Variants in BET1 observed in about 807,000 individuals in gnomAD.
BET1 encodes the protein Bet1 golgi vesicular membrane trafficking protein.
In BET1, 9 loss-of-function variants were observed where a neutral mutation model predicts 13.9. That is an observed-to-expected ratio of 0.65 (90% CI 0.39 to 1.13). The LOEUF (loss-of-function observed/expected upper bound fraction) is 1.13. Ranked by LOEUF, BET1 falls within the 50% of genes most tolerant of loss-of-function variation. The probability of loss-of-function intolerance (pLI) is 0.01; values close to 1 mark genes in which losing one functional copy is unlikely to be tolerated. For synonymous variants in BET1, 39 were observed against 47.3 expected (o/e 0.82, Z 0.72); for missense variants, 127 against 133.6 (o/e 0.95, Z 0.24).
intron 4 of BET1, among the ~76,000 whole-genome samples, chr7:93,981,253 C>T (rs1795422776): frequency 6.6e-6 from 1 of 152,182 alleles, no homozygotes; most frequent in South Asian, 2.1e-4. Context: ...CACTGGAAGT[C>T]TCATGCCCTG....
At chr7:93,983,590 G>GA (rs1452065014) in intron 4 of BET1, among the ~76,000 whole-genome samples, 1 of 151,956 alleles carries the variant, frequency 6.6e-6, no homozygotes, top group East Asian at 1.9e-4. Context: ...ATTGTAGTGG[G>GA]AAAAAAATGC....
rs1390599731 is a variant in BET1, at chr7:93,999,823, A to G, written c.20-529T>C. ...GGGGCAAACTGAAGCTCTAGGAAAG[A>G]GACACAATAACTTATGCAGAATGCT... On this transcript the variant is annotated intron_variant, in intron 1 of 3. Transcript: ENST00000222547. The G allele has an allele frequency of 7.5e-6, 3 of 399,872 alleles. No homozygotes were observed. The Admixed American group carries it at 9.6e-5, about 13-fold the overall frequency. 24.8% of individuals were successfully genotyped at this position (399,872 alleles called of 1,614,324 possible). A position where few individuals can be genotyped will look rare whatever the true frequency, so the allele number is the denominator to read the frequency against.
intron 6 of BET1, among the ~76,000 whole-genome samples, chr7:93,970,550 T>C (rs906001159): frequency 9.2e-5 from 14 of 151,858 alleles, no homozygotes; most frequent in African/African-American, 3.4e-4. Context: ...TCATAATTCT[T>C]ACTCTGTTGC....
intron 4 of BET1, among the ~76,000 whole-genome samples, chr7:93,981,460 C>T (rs1795425615): frequency 6.6e-6 from 1 of 152,204 alleles, no homozygotes; most frequent in South Asian, 2.1e-4. Context: ...TTTTGGCCCA[C>T]ACTTCCTGAA....
At chr7:93,983,656 C>A (rs1188600025) in intron 4 of BET1, among the ~76,000 whole-genome samples, 4 of 152,106 alleles carry the variant, frequency 2.6e-5, no homozygotes, top group Non-Finnish European at 5.9e-5. Context: ...AGTGGCTCCT[C>A]ATTTCAGAAT....
chr7:93,997,077 C>A lies in BET1; in HGVS notation c.145-756G>T, dbSNP rs955761390. On this transcript the variant is annotated intron_variant, in intron 2 of 3. Transcript: ENST00000222547. The stretch of plus-strand genomic sequence containing the variant: ...GAAAAGAGCCATAGCTTACAAAATA[C>A]AATACTATAGCTAATTATGACAACT... Among the ~76,000 whole-genome samples, 10 of 152,144 alleles carry A rather than the reference C, an allele frequency of 6.6e-5. No homozygotes were observed. The South Asian group carries it at 1.9e-3, about 28-fold the overall frequency.
At chr7:93,963,622 T>C (rs1795131995) in exon 7 of BET1, 1 of 152,096 alleles carries the variant, frequency 6.6e-6, no homozygotes, top group Non-Finnish European at 1.5e-5. Flanking sequence ...AAACTGATCT[T>C]TAAGTTGTCT....
intron 4 of BET1, among the ~76,000 whole-genome samples, chr7:93,988,222 T>A (rs1795563758): frequency 6.6e-6 from 1 of 152,202 alleles, no homozygotes; most frequent in South Asian, 2.1e-4. Flanking sequence ...TAACATAAGG[T>A]CCTTTATGTT....
chr7:93,976,065 T>C, exon 5 of BET1: 1 of 1,272,294 alleles, frequency 7.9e-7, no homozygotes, highest in Non-Finnish European at 1.0e-6. Context: ...AGGCTTTCAC[T>C]GCTACTGGTG....
chr7:93,988,447 G>A (rs1313036917), downstream of BET1, among the ~76,000 whole-genome samples: 1 of 152,124 alleles, frequency 6.6e-6, no homozygotes, highest in East Asian at 1.9e-4. Flanking sequence ...GGATGTATGT[G>A]TATAACCTCT....
At chr7:93,999,956 G>A (rs563807261) in intron 1 of BET1, among the ~76,000 whole-genome samples, 124 of 152,234 alleles carry the variant, frequency 8.1e-4, no homozygotes, top group Admixed American at 1.4e-3. Flanking sequence ...GGAACTCTAA[G>A]GGATAAGAAT....
chr7:93,994,238 G>C lies in BET1; in HGVS notation c.349C>G (p.Leu117Val), dbSNP rs916406974. 4.4e-6 allele frequency: 7 copies of C among 1,604,286 alleles called. No individual in the cohort carries two copies. The highest frequency in any genetic ancestry group is 6.0e-6 in the Non-Finnish European group (7 of 1,176,074). ...VFFIIYWIIK[L>V]R is the part of the protein sequence containing the mutation. ...ATTCACAATTACATGCATCACCTCA[G>C]TTTAATAATCCAATAAATGATAAAA... The change falls in exon 4 of 4, where the codon CTG (leucine) becomes GTG (valine). Residue 117 changes from leucine to valine, a missense_variant. By Grantham distance (32) the Leu-to-Val change is conservative. Coordinates refer to ENST00000222547, the MANE Select transcript of BET1 (RefSeq NM_005868.6).
At chr7:93,976,490 T>C (rs1795339300) in intron 4 of BET1, among the ~76,000 whole-genome samples, 1 of 152,116 alleles carries the variant, frequency 6.6e-6, no homozygotes, top group African/African-American at 2.4e-5. Context: ...TATTGTCATT[T>C]TTATTTAAAC....
intron 4 of BET1, among the ~76,000 whole-genome samples, chr7:93,980,428 A>G (rs1408892125): frequency 6.6e-6 from 1 of 152,184 alleles, no homozygotes; most frequent in Admixed American, 6.5e-5. Context: ...TATTAAAAGA[A>G]CCATACACCA....
intron 4 of BET1, among the ~76,000 whole-genome samples, chr7:93,985,369 A>G (rs2116080612): frequency 6.6e-6 from 1 of 152,322 alleles, no homozygotes; most frequent in Non-Finnish European, 1.5e-5. Context: ...TGTGTAACAT[A>G]AGGCTATTAC....
chr7:93,987,800 A>T (rs1047385559), intron 4 of BET1, among the ~76,000 whole-genome samples: 1 of 152,350 alleles, frequency 6.6e-6, no homozygotes, highest in Non-Finnish European at 1.5e-5. Context: ...AAGAATATTA[A>T]ACAGCTTTCC....
chr7:93,979,484 T>TGCAAGATGGGAATG (rs1391416436), intron 4 of BET1, among the ~76,000 whole-genome samples: 1 of 152,132 alleles, frequency 6.6e-6, no homozygotes, highest in Non-Finnish European at 1.5e-5. Flanking sequence ...TAAACATGAC[T>TGCAAGATGGGAATG]GCAAGATGGG....
exon 7 of BET1, chr7:93,965,427 G>GTA (rs2116008749): frequency 6.6e-6 from 1 of 152,026 alleles, no homozygotes; most frequent in East Asian, 1.9e-4. Flanking sequence ...TTATAATGAT[G>GTA]TATAATATCA....
intron 4 of BET1, among the ~76,000 whole-genome samples, chr7:93,980,315 A>AT (rs1186301229): frequency 2.0e-5 from 3 of 152,104 alleles, no homozygotes; most frequent in Non-Finnish European, 2.9e-5. Flanking sequence ...CCAAGACACT[A>AT]TTTTTTAACA....
Sources: gnomAD v4.1 joint callset for allele counts (sites outside exome capture counted in the v4.1 genomes callset) on GRCh38, gnomAD v4.1.1 for gene constraint, MANE v1.5 for transcripts, NCBI Gene and HGNC (gene_info 2026-07-23, HGNC 2026-07-21) for gene names.